The following RBFOX1 variants were observed in gnomAD, a reference collection of about 807,000 sequenced individuals.
The protein encoded by RBFOX1 is RNA binding protein fox-1 homolog 1.
In RBFOX1, 8 loss-of-function variants were observed where a neutral mutation model predicts 57.7. The observed-to-expected ratio is 0.14, with a 90% CI of 0.08 to 0.25. The LOEUF is 0.25. RBFOX1 is among the 10% of genes least tolerant of loss of function. The probability of loss-of-function intolerance (pLI) is 1.00; values close to 1 mark genes in which losing one functional copy is unlikely to be tolerated. For missense variants in RBFOX1, 611 were observed against 548.5 expected (o/e 1.11, Z -1.14); for synonymous variants, 326 against 222.4 (o/e 1.47, Z -4.15).
chr16:7,413,473 A>G (rs2098449417), intron 4 of RBFOX1, among the ~76,000 whole-genome samples: 1 of 152,076 alleles, frequency 6.6e-6, no homozygotes, highest in African/African-American at 2.4e-5. Flanking sequence ...CACAAGATCC[A>G]AGGTGAGGTC....
chr16:5,847,947 C>A (rs145050244), intron 3 of RBFOX1, among the ~76,000 whole-genome samples: 1 of 152,250 alleles, frequency 6.6e-6, no homozygotes, highest in East Asian at 1.9e-4. Flanking sequence ...ATTGTCTGGT[C>A]TTTGAGGAGC....
At chr16:7,660,152 T>TTAAAG (rs1356185723) in intron 12 of RBFOX1, among the ~76,000 whole-genome samples, 2 of 152,336 alleles carry the variant, frequency 1.3e-5, no homozygotes, top group East Asian at 3.9e-4. Context: ...TACTTTTTTT[T>TTAAAG]TAAAGTAAAC....
intron 1 of RBFOX1, among the ~76,000 whole-genome samples, chr16:6,101,512 GT>G (rs2096308024): frequency 6.6e-6 from 1 of 151,956 alleles, no homozygotes; most frequent in Admixed American, 6.6e-5. Context: ...TTGAGACAGA[GT>G]TTCGCTCTTG....
chr16:6,825,732 C>A (rs1325709310), intron 3 of RBFOX1, among the ~76,000 whole-genome samples: 2 of 152,056 alleles, frequency 1.3e-5, no homozygotes, highest in East Asian at 3.9e-4. Flanking sequence ...GGAGGCAGGG[C>A]AGTCGATGCC....
intron 4 of RBFOX1, among the ~76,000 whole-genome samples, chr16:7,290,484 A>G (rs369278444): frequency 1.3e-5 from 2 of 152,354 alleles, no homozygotes; most frequent in African/African-American, 4.8e-5. Flanking sequence ...GGCCAGCACC[A>G]TGCTTCGCAC....
At chr16:6,094,603 G>T (rs1305077770) in intron 1 of RBFOX1, among the ~76,000 whole-genome samples, 1 of 152,210 alleles carries the variant, frequency 6.6e-6, no homozygotes, top group Non-Finnish European at 1.5e-5. Flanking sequence ...ATAGATAAGA[G>T]CTCTGGAATT....
intron 4 of RBFOX1, among the ~76,000 whole-genome samples, chr16:5,935,967 G>T (rs1250504883): frequency 6.6e-6 from 1 of 152,034 alleles, no homozygotes; most frequent in Non-Finnish European, 1.5e-5. Context: ...CCTTCGTTCT[G>T]TAAACCTGCA....
intron 3 of RBFOX1, among the ~76,000 whole-genome samples, chr16:5,627,421 G>C (rs1315715443): frequency 1.3e-5 from 2 of 151,184 alleles, no homozygotes; most frequent in Admixed American, 6.6e-5. Flanking sequence ...ATCTTGGGGT[G>C]TGTGTGTGTG....
At chr16:5,526,101 A>C (rs1038652229) in intron 2 of RBFOX1, among the ~76,000 whole-genome samples, 2 of 151,442 alleles carry the variant, frequency 1.3e-5, no homozygotes, top group African/African-American at 4.9e-5. Context: ...CCTCTCTTTT[A>C]TTTTCTCAGC....
chr16:7,155,762 C>CAT (rs1555516678), intron 4 of RBFOX1, among the ~76,000 whole-genome samples: 1 of 122,986 alleles, frequency 8.1e-6, no homozygotes, highest in East Asian at 2.2e-4. Flanking sequence ...CACACACACA[C>CAT]ACATATATAT....
chr16:5,272,733 C>T (rs1053236267), intron 1 of RBFOX1, among the ~76,000 whole-genome samples: 1 of 152,178 alleles, frequency 6.6e-6, no homozygotes, highest in African/African-American at 2.4e-5. Context: ...GACTTCCCTC[C>T]TTTGAGGTCC....
At chr16:6,211,045 CAT>C (rs1567686131) in intron 1 of RBFOX1, among the ~76,000 whole-genome samples, 1 of 151,994 alleles carries the variant, frequency 6.6e-6, no homozygotes, top group Non-Finnish European at 1.5e-5. Flanking sequence ...AGAAAACACA[CAT>C]AGCACTGGGG....
intron 2 of RBFOX1, among the ~76,000 whole-genome samples, chr16:5,589,872 G>T (rs570251828): frequency 1.3e-5 from 2 of 152,092 alleles, no homozygotes; most frequent in Non-Finnish European, 2.9e-5. Flanking sequence ...CCTGCAGAGG[G>T]TTGCTTTGCT....
intron 2 of RBFOX1, among the ~76,000 whole-genome samples, chr16:6,323,259 A>C (rs889753757): frequency 6.6e-6 from 1 of 152,190 alleles, no homozygotes; most frequent in East Asian, 1.9e-4. Context: ...ATGGGTAAGG[A>C]AGAGGGAAGC....
rs61011633 is a variant in RBFOX1, at chr16:5,738,635, G to GAAAAA, written c.319-128652_319-128648dup. Among the ~76,000 whole-genome samples the GAAAAA allele has an allele frequency of 1.3e-4, 8 of 61,190 alleles. 2 individuals carry two copies. The highest frequency in any genetic ancestry group is 3.8e-4 in the Admixed American group (2 of 5,282). The allele number at this position is 61,190 out of a possible 152,430, so 40.1% of individuals were successfully genotyped here. On this transcript the variant is annotated intron_variant, in intron 3 of 19. Coordinates refer to the RBFOX1 transcript ENST00000641259. Reference sequence around the variant, plus strand: ...GGCGACAGAGCAAGGCTCTGTCTCAGAAAAAAAAAAAAAAAAAAAAGGGAA... The same window carrying GAAAAA: ...GGCGACAGAGCAAGGCTCTGTCTCAGAAAAAAAAAAAAAAAAAAAAAAAAAGGGAA...
chr16:5,968,105 T>C (rs1401654292), intron 4 of RBFOX1, among the ~76,000 whole-genome samples: 1 of 152,172 alleles, frequency 6.6e-6, no homozygotes, highest in Admixed American at 6.6e-5. Context: ...GATAGAGTCT[T>C]GCTCTATCAC....
intron 3 of RBFOX1, among the ~76,000 whole-genome samples, chr16:5,821,511 C>G (rs561658087): frequency 1.2e-3 from 188 of 152,186 alleles, no homozygotes; most frequent in Admixed American, 1.5e-3. Context: ...CTATGGTGTT[C>G]AGGCTTGTGT....
intron 1 of RBFOX1, among the ~76,000 whole-genome samples, chr16:6,173,612 T>TG (rs1378725692): frequency 1.1e-4 from 15 of 139,948 alleles, no homozygotes; most frequent in Non-Finnish European, 2.2e-4. Flanking sequence ...CCCTTTTTTT[T>TG]TTTTTTTTTT....
intron 1 of RBFOX1, among the ~76,000 whole-genome samples, chr16:6,222,808 G>A (rs546662909): frequency 2.3e-4 from 35 of 151,346 alleles, no homozygotes; most frequent in East Asian, 5.9e-4. Context: ...CCATTAACTC[G>A]TCATTTAGCG....
Sources: gnomAD v4.1 joint callset for allele counts (sites outside exome capture counted in the v4.1 genomes callset) on GRCh38, gnomAD v4.1.1 for gene constraint, MANE v1.5 for transcripts, NCBI Gene and HGNC (gene_info 2026-07-23, HGNC 2026-07-21) for gene names.